UBE3B: variants seen among roughly 807,000 people sequenced by gnomAD.
UBE3B encodes ubiquitin protein ligase E3B.
A neutral mutation model predicts 132.3 loss-of-function variants in UBE3B; 80 were observed. The observed-to-expected ratio is 0.60, with a 90% confidence interval of 0.50 to 0.73. UBE3B has a LOEUF of 0.73. Ranked by LOEUF, UBE3B falls within the 30% of genes least tolerant of loss-of-function variation. UBE3B has a pLI of 0.00. For missense variants in UBE3B, 1,196 were observed against 1,362.5 expected, an observed-to-expected ratio of 0.88 and a Z score of 1.92; for synonymous variants, 487 against 520.4, an observed-to-expected ratio of 0.94 and a Z score of 0.87.
chr12:109,490,124 G>C (rs1289053371), intron 8 of UBE3B, 120 bp downstream of exon 8: 2 of 1,027,228 alleles, frequency 1.9e-6, no homozygotes, highest in Non-Finnish European at 3.0e-6. Context: ...CATAGGAAGA[G>C]CTTGATGCCT....
At position 109,486,016 on chromosome 12, in the gene UBE3B, T is replaced by C; in HGVS notation, c.287T>C (p.Phe96Ser). The C allele has an allele frequency of 6.4e-7, 1 of 1,553,778 alleles. No individual in the cohort carries two copies. Among genetic ancestry groups the C allele is most frequent in the South Asian group, 1.2e-5 (1 of 84,146 alleles). Residue 96 changes from phenylalanine to serine, a missense_variant, in exon 5 of 28, where the codon TTT becomes TCT. Phe to Ser is a radical substitution (Grantham distance 155). Coordinates refer to ENST00000342494, the MANE Select transcript of UBE3B (RefSeq NM_130466.4). Reference sequence around the variant, plus strand: ...CCCCAGTGTGTCTCTTTGCAGAGATTTGAGAAGTTGTGTCGCAGCATCCTG... The same window carrying C: ...CCCCAGTGTGTCTCTTTGCAGAGATCTGAGAAGTTGTGTCGCAGCATCCTG... ...LFRIKEDNER[F>S]EKLCRSILSS... is the part of the protein sequence containing the mutation.
intron 11 of UBE3B, 45 bp downstream of exon 11, chr12:109,498,398 GA>G: frequency 6.3e-7 from 1 of 1,594,730 alleles, no homozygotes; most frequent in Non-Finnish European, 8.6e-7. Context: ...GGCCATCAGG[GA>G]AAGCCCGAGT....
intron 26 of UBE3B, among the ~76,000 whole-genome samples, chr12:109,532,857 G>T (rs1040995958): frequency 6.6e-6 from 1 of 152,176 alleles, no homozygotes; most frequent in East Asian, 1.9e-4. Context: ...TCTTGCACAG[G>T]GTCCCCCGGG....
chr12:109,536,194 T>A lies in UBE3B; in HGVS notation c.*1412T>A, dbSNP rs1186974386. 6.6e-6 allele frequency: 1 copy of A among 152,278 alleles called. No individual in the cohort carries two copies. Among genetic ancestry groups the A allele is most frequent in the African/African-American group, 2.4e-5 (1 of 41,478 alleles). 9.4% of individuals were successfully genotyped at this position (152,278 alleles called of 1,614,324 possible). On this transcript the variant is annotated 3_prime_UTR_variant, in exon 28 of 28. Transcript: ENST00000342494. ...GAAAAGAGTGTGTGCTCTACTTTGA[T>A]GGAAACATGGCAAGGAATTTAAAGA...
In UBE3B at chr12:109,524,088, G is replaced by A; in HGVS notation, c.2475G>A (p.Glu825=). ...ATGAACTGCCTTCTCTGGACTCCGA[G>A]TTCTATAAAAACCTCACCTCCATCA... The part of the protein sequence containing the change: ...SVDELPSLDS[E]FYKNLTSIKR... The change falls in exon 22 of 28, where the codon GAG becomes GAA. Residue 825 remains glutamate, a synonymous_variant. Coordinates refer to ENST00000342494, the MANE Select transcript of UBE3B (RefSeq NM_130466.4). 1.2e-6 allele frequency: 2 copies of A among 1,614,178 alleles called. No individual in the cohort carries two copies. Among genetic ancestry groups the A allele is most frequent in the Non-Finnish European group, 1.7e-6 (2 of 1,180,038 alleles).
intron 26 of UBE3B, among the ~76,000 whole-genome samples, chr12:109,532,984 T>C (rs1342229437): frequency 2.0e-5 from 3 of 152,080 alleles, no homozygotes; most frequent in Non-Finnish European, 4.4e-5. Context: ...GGCCAGTGAG[T>C]GCGGGTCTCC....
intron 18 of UBE3B, among the ~76,000 whole-genome samples, chr12:109,515,624 C>T (rs1198605433): frequency 6.6e-6 from 1 of 152,186 alleles, no homozygotes; most frequent in African/African-American, 2.4e-5. Context: ...CTGCCTCGGC[C>T]TCTCAAAGTG....
At chr12:109,506,559 C>A (rs1354129633) in intron 14 of UBE3B, among the ~76,000 whole-genome samples, 1 of 152,154 alleles carries the variant, frequency 6.6e-6, no homozygotes, top group African/African-American at 2.4e-5. Flanking sequence ...TCATGTTGGC[C>A]AGGCTGGTCT....
At chr12:109,543,631 G>A in the UBE3B span, among the ~76,000 whole-genome samples, 22 of 152,324 alleles carry the variant, frequency 1.4e-4, 1 homozygote, top group South Asian at 6.2e-4. Context: ...TCAGGAGTTC[G>A]AGACCAGCCT....
At chr12:109,530,945 G>A (rs1010879466) in intron 26 of UBE3B, among the ~76,000 whole-genome samples, 1 of 152,182 alleles carries the variant, frequency 6.6e-6, no homozygotes, top group African/African-American at 2.4e-5. Context: ...GCCTATGCTG[G>A]CCTTGATAAC....
intron 19 of UBE3B, chr12:109,517,797 T>G: frequency 3.2e-6 from 1 of 311,528 alleles, no homozygotes; most frequent in Admixed American, 3.2e-5. Context: ...TCCCCTGAAG[T>G]ATGTGGCCAG....
intron 11 of UBE3B, 80 bp from the exon 12 acceptor site, chr12:109,499,553 G>C: frequency 7.4e-7 from 1 of 1,343,902 alleles, no homozygotes. Context: ...GTGGCCGCCT[G>C]AGCCACAGGC....
intron 8 of UBE3B, 180 bp downstream of exon 8, chr12:109,490,184 A>T (rs1366778262): frequency 4.6e-6 from 4 of 863,232 alleles, no homozygotes; most frequent in Admixed American, 2.0e-5. Flanking sequence ...GGGTCAGGTA[A>T]AGGGAGGACA....
At chr12:109,499,838 T>C in intron 12 of UBE3B, 28 bp downstream of exon 12, 2 of 1,527,220 alleles carry the variant, frequency 1.3e-6, no homozygotes, top group Non-Finnish European at 1.8e-6. Flanking sequence ...ATCACTGTCT[T>C]TCCTGCCTCT....
In UBE3B at chr12:109,534,183, C is replaced by T. The variant is rs982769249; in HGVS notation, c.3016-408C>T. 6.5e-6 allele frequency: 8 copies of T among 1,235,824 alleles called. No homozygotes were observed. Among genetic ancestry groups the T allele is most frequent in the Admixed American group, 3.0e-5 (1 of 33,330 alleles). The allele number at this position is 1,235,824 out of a possible 1,614,324, so 76.6% of individuals were successfully genotyped here. A position where few individuals can be genotyped will look rare whatever the true frequency, so the allele number is the denominator to read the frequency against. The stretch of plus-strand genomic sequence containing the variant: ...AGCTACACAGTCCTCGGCCTCCATG[C>T]TTAAGGGAAAGTTGGCCCAAGTCAT... On this transcript the variant is annotated intron_variant, in intron 27 of 27. Coordinates refer to ENST00000342494, the MANE Select transcript of UBE3B (RefSeq NM_130466.4). The surrounding 1 kb of genome is among the most constrained non-coding windows in gnomAD (Gnocchi z 5.2).
chr12:109,501,727 C>G (rs536077410), intron 13 of UBE3B, among the ~76,000 whole-genome samples, 193 bp downstream of exon 13: 1 of 152,176 alleles, frequency 6.6e-6, no homozygotes, highest in African/African-American at 2.4e-5. Flanking sequence ...TCATAGCTTA[C>G]TAGCCTCTAA....
chr12:109,512,185 C>T lies in UBE3B; in HGVS notation c.1956+882C>T, dbSNP rs375154171. Among the ~76,000 whole-genome samples the T allele has an allele frequency of 3.0e-4, 46 of 152,168 alleles. 2 individuals are homozygous for T. In the South Asian group the frequency reaches 9.6e-3, roughly 32 times the overall value. ...GAGAGCACCCAAATCTCCTGACTGC[C>T]CCCATGGACTGGGTGAGGTAGTCAG... is the stretch of plus-strand genomic sequence containing the variant. On this transcript the variant is annotated intron_variant, in intron 18 of 27. Transcript: ENST00000342494.
Position 109,490,007 on chromosome 12 carries a change from C to G in UBE3B, c.630+3C>G. 6.2e-7 allele frequency: 1 copy of G among 1,613,806 alleles called. No individual in the cohort carries two copies. Among genetic ancestry groups the G allele is most frequent in the Non-Finnish European group, 8.5e-7 (1 of 1,179,714 alleles). ...ATGGATTTTATTCTGTGCTGCAGGT[C>G]TGTGACTCCTGCCCCCCAGTGTGCA... On this transcript the variant is annotated splice_donor_region_variant and intron_variant, in intron 8 of 27. Coordinates refer to ENST00000342494, the MANE Select transcript of UBE3B (RefSeq NM_130466.4).
chr12:109,534,761 C>T lies in UBE3B; in HGVS notation c.3186C>T (p.Asn1062=). 1 of 1,570,334 alleles carries T rather than the reference C, an allele frequency of 6.4e-7. No homozygotes were observed. The highest frequency in any genetic ancestry group is 1.2e-5 in the South Asian group (1 of 83,230). ...AGCTGCGCTACGCCATCAGCATGAA[C>T]ACGGGCTTTGAACTCTCCTAGCTCC... is the stretch of plus-strand genomic sequence containing the variant. ...REKLRYAISM[N]TGFELS Residue 1062 remains asparagine, a synonymous_variant, in exon 28 of 28, where the codon AAC becomes AAT. Transcript: ENST00000342494. This position sits in a 1 kb window ranked among gnomAD's most constrained non-coding sequence, Gnocchi z 5.2.
Sources: gnomAD v4.1 joint callset for allele counts (sites outside exome capture counted in the v4.1 genomes callset) on GRCh38, gnomAD v4.1.1 for gene constraint, Gnocchi (gnomAD v3.1) non-coding constraint, MANE v1.5 for transcripts, NCBI Gene and HGNC (gene_info 2026-07-23, HGNC 2026-07-21) for gene names.